The following DSC3 variants were observed in gnomAD, a reference collection of about 807,000 sequenced individuals.
DSC3 encodes the protein desmocollin 3.
Under a neutral mutation model 89.5 loss-of-function variants are expected in DSC3, and 97 were observed. The ratio of observed to expected loss-of-function variants is 1.08; its 90% CI spans 0.92 to 1.28. The LOEUF is 1.28. DSC3 is among the 50% of genes most tolerant of loss of function. The pLI, the probability that DSC3 is intolerant of heterozygous loss-of-function variation, is 0.00. For synonymous variants in DSC3, 436 were observed against 384.1 expected, an observed-to-expected ratio of 1.14 and a Z score of -1.58; for missense variants, 1,199 against 1,085.3, an observed-to-expected ratio of 1.10 and a Z score of -1.47.
intron 4 of DSC3, among the ~76,000 whole-genome samples, chr18:31,028,024 A>G (rs565830936): frequency 1.3e-5 from 2 of 152,244 alleles, no homozygotes; most frequent in Non-Finnish European, 2.9e-5. Flanking sequence ...TTGAAACCCT[A>G]TTAAACTTCC....
chr18:31,022,566 TCTACA>T, intron 6 of DSC3, 64 bp from the exon 7 acceptor site: 3 of 1,558,658 alleles, frequency 1.9e-6, no homozygotes, highest in South Asian at 1.1e-5. Flanking sequence ...TTCAAAAGTA[TCTACA>T]ATCTTAAAAT....
At position 31,001,089 on chromosome 18, in the gene DSC3, G is replaced by GTGTATA. The variant is rs141615987; in HGVS notation, c.2235+528_2235+529insTATACA. On this transcript the variant is annotated intron_variant, in intron 14 of 15. Coordinates refer to ENST00000360428, the MANE Select transcript of DSC3 (RefSeq NM_001941.5). ...GTGTTTATATATACTTTGTGTGTGT[G>GTGTATA]TATATATATATATATATATATATAC... 1.6e-3 allele frequency among the ~76,000 whole-genome samples: 207 copies of GTGTATA among 126,036 alleles called. 2 individuals are homozygous for GTGTATA. Among genetic ancestry groups the GTGTATA allele is most frequent in the African/African-American group, 3.5e-3 (120 of 34,314 alleles). 82.7% of individuals were successfully genotyped at this position (126,036 alleles called of 152,430 possible).
At chr18:31,022,643 T>A in intron 6 of DSC3, 141 bp from the exon 7 acceptor site, 1 of 1,054,080 alleles carries the variant, frequency 9.5e-7, no homozygotes, top group Non-Finnish European at 1.4e-6. Context: ...TTATTTCATC[T>A]TTAGATAGGA....
At chr18:31,006,786 T>G in intron 12 of DSC3, 121 bp downstream of exon 12, 1 of 808,198 alleles carries the variant, frequency 1.2e-6, no homozygotes, top group South Asian at 1.6e-5. Flanking sequence ...TAGTTTATCC[T>G]TCTAAAATAT....
At chr18:31,014,648 T>C (rs962163931) in intron 9 of DSC3, among the ~76,000 whole-genome samples, 43 of 152,166 alleles carry the variant, frequency 2.8e-4, no homozygotes, top group African/African-American at 9.9e-4. Context: ...TAGTAAATAA[T>C]AAATGTTAGC....
At chr18:31,026,738 A>T (rs1985611835) in intron 4 of DSC3, among the ~76,000 whole-genome samples, 1 of 152,096 alleles carries the variant, frequency 6.6e-6, no homozygotes, top group Non-Finnish European at 1.5e-5. Flanking sequence ...ATTTGTAGTG[A>T]TCACAAGGTT....
chr18:31,029,266 T>G (rs1985699639), intron 4 of DSC3, among the ~76,000 whole-genome samples: 1 of 152,184 alleles, frequency 6.6e-6, no homozygotes, highest in Admixed American at 6.5e-5. Context: ...CAGGATATAG[T>G]TAAGTGCTCA....
chr18:31,018,597 TATTA>T (rs1985312175), intron 8 of DSC3, 65 bp downstream of exon 8: 4 of 1,493,556 alleles, frequency 2.7e-6, no homozygotes, highest in Admixed American at 3.3e-5. Context: ...GTATTAATTT[TATTA>T]ATTCAGTTTA....
chr18:30,994,870 A>G (rs1450500379), intron 15 of DSC3, among the ~76,000 whole-genome samples: 1 of 152,218 alleles, frequency 6.6e-6, no homozygotes, highest in Non-Finnish European at 1.5e-5. Context: ...GACGCATAAT[A>G]CACTTATTAT....
intron 9 of DSC3, among the ~76,000 whole-genome samples, chr18:31,015,362 G>T (rs566710244): frequency 6.6e-6 from 1 of 152,094 alleles, no homozygotes; most frequent in African/African-American, 2.4e-5. Context: ...CTATGATATA[G>T]GTTATAACTT....
At chr18:31,018,573 T>C in intron 8 of DSC3, 93 bp downstream of exon 8, 3 of 1,359,506 alleles carry the variant, frequency 2.2e-6, no homozygotes, top group Middle Eastern at 2.5e-4. Context: ...CGTCAAAGTA[T>C]GATACTTCAT....
At chr18:31,006,745 A>G (rs1185440072) in intron 12 of DSC3, among the ~76,000 whole-genome samples, 162 bp downstream of exon 12, 2 of 152,198 alleles carry the variant, frequency 1.3e-5, no homozygotes, top group Non-Finnish European at 2.9e-5. Flanking sequence ...TTTATATATA[A>G]CAGAGCCCCC....
At position 31,035,951 on chromosome 18, in the gene DSC3, T is replaced by A. The variant is rs570402370; in HGVS notation, c.70-3675A>T. ...TGTTTATATGCATCCTTTTGCAGTTTGCTTTTTTCATCCAACAGTATGTTT... is the reference window on the plus strand; with the variant it reads ...TGTTTATATGCATCCTTTTGCAGTTAGCTTTTTTCATCCAACAGTATGTTT... On this transcript the variant is annotated intron_variant, in intron 1 of 15. Transcript: ENST00000360428. Among the ~76,000 whole-genome samples, 7 of 152,262 alleles carry A rather than the reference T, an allele frequency of 4.6e-5. No homozygotes were observed. The East Asian group carries it at 1.4e-3, about 29-fold the overall frequency.
rs1007269260 is a variant in DSC3 at position 30,992,833 on chromosome 18, A to T, written c.*1342T>A. The T allele has an allele frequency of 6.6e-5, 10 of 152,226 alleles. No homozygotes were observed. The highest frequency in any genetic ancestry group is 1.5e-4 in the Non-Finnish European group (10 of 68,046). 9.4% of individuals were successfully genotyped at this position (152,226 alleles called of 1,614,324 possible). A position where few individuals can be genotyped will look rare whatever the true frequency, so the allele number is the denominator to read the frequency against. On this transcript the variant is annotated 3_prime_UTR_variant, in exon 16 of 16. Coordinates refer to ENST00000360428, the MANE Select transcript of DSC3 (RefSeq NM_001941.5). ...TGGAAAACCTGGAGTCACTTAAGGG[A>T]ATCTCTGCTGGAGGTGTTGCTTTAG...
Position 31,018,646 on chromosome 18 carries a change from T to G in DSC3, c.1077+20A>C, listed in dbSNP as rs1985313577. On this transcript the variant is annotated intron_variant, in intron 8 of 15. Coordinates refer to ENST00000360428, the MANE Select transcript of DSC3 (RefSeq NM_001941.5). Reference sequence around the variant, plus strand: ...TGATAGCAGATAAGACAGAGGCAGATTTTGATATTATATACTTACAGCATT... The same window carrying G: ...TGATAGCAGATAAGACAGAGGCAGAGTTTGATATTATATACTTACAGCATT... The G allele has an allele frequency of 3.1e-6, 5 of 1,610,618 alleles. No homozygotes were observed. The highest frequency in any genetic ancestry group is 4.2e-6 in the Non-Finnish European group (5 of 1,178,788).
intron 9 of DSC3, among the ~76,000 whole-genome samples, chr18:31,017,254 G>A (rs534495806): frequency 6.6e-6 from 1 of 152,214 alleles, no homozygotes; most frequent in East Asian, 1.9e-4. Flanking sequence ...TTTTTACAGA[G>A]GAAATAATTG....
At chr18:31,042,009 G>C (rs1986149074) in intron 1 of DSC3, among the ~76,000 whole-genome samples, 1 of 151,982 alleles carries the variant, frequency 6.6e-6, no homozygotes, top group Non-Finnish European at 1.5e-5. Flanking sequence ...GGTGGCTGGC[G>C]GGGGTGGACC....
At position 30,992,501 on chromosome 18, in the gene DSC3, T is replaced by C. The variant is rs1984301422; in HGVS notation, c.*1674A>G. The C allele has an allele frequency of 6.6e-6, 1 of 152,228 alleles. No homozygotes were observed. Among genetic ancestry groups the C allele is most frequent in the Non-Finnish European group, 1.5e-5 (1 of 68,044 alleles). The allele number at this position is 152,228 out of a possible 1,614,324, so 9.4% of individuals were successfully genotyped here. On this transcript the variant is annotated 3_prime_UTR_variant, in exon 16 of 16. Transcript: ENST00000360428. ...TCCCTCACCGGACTCAAATGGCAGT[T>C]GCCATTGGCCTGAGAAAGGAAAAGG...
intron 1 of DSC3, among the ~76,000 whole-genome samples, chr18:31,036,702 G>A (rs185109547): frequency 3.3e-5 from 5 of 151,594 alleles, no homozygotes; most frequent in African/African-American, 1.2e-4. Flanking sequence ...AATTTAAAGA[G>A]GATTTGACAT....
Sources: allele counts gnomAD v4.1 joint callset (sites outside exome capture counted in the v4.1 genomes callset), GRCh38; gene constraint gnomAD v4.1.1; transcripts MANE v1.5; gene names NCBI Gene and HGNC (gene_info 2026-07-23, HGNC 2026-07-21).